Variants in NIBAN2 observed in about 807,000 individuals in gnomAD.
The protein encoded by NIBAN2 is protein Niban 2.
A neutral mutation model predicts 81.8 loss-of-function variants in NIBAN2; 36 were observed. That is an observed-to-expected ratio of 0.44 (90% CI 0.34 to 0.58). NIBAN2 has a LOEUF of 0.58. Ranked by LOEUF, NIBAN2 falls within the 20% of genes least tolerant of loss-of-function variation. The pLI is 0.02. For synonymous variants in NIBAN2, 445 were observed against 441.6 expected, an observed-to-expected ratio of 1.01 and a Z score of -0.10; for missense variants, 897 against 1,014.1, an observed-to-expected ratio of 0.88 and a Z score of 1.57.
Position 127,508,609 on chromosome 9 carries a change from G to T in NIBAN2, c.1318-71C>A, listed in dbSNP as rs1204355852. On this transcript the variant is annotated intron_variant, in intron 10 of 13. Coordinates refer to ENST00000373312, the MANE Select transcript of NIBAN2 (RefSeq NM_022833.4). This position sits in a 1 kb window ranked among gnomAD's most constrained non-coding sequence, Gnocchi z 6.4. ...GCCCCTTCCTGGGTGCCGCTGAGGGGTCCTCATCCTCAACCAGCCCCCCAC... is the reference window on the plus strand; with the variant it reads ...GCCCCTTCCTGGGTGCCGCTGAGGGTTCCTCATCCTCAACCAGCCCCCCAC... 2.3e-6 allele frequency: 3 copies of T among 1,290,070 alleles called. No homozygotes were observed. The highest frequency in any genetic ancestry group is 3.4e-6 in the Non-Finnish European group (3 of 892,308). 79.9% of individuals were successfully genotyped at this position (1,290,070 alleles called of 1,614,324 possible). A position where few individuals can be genotyped will look rare whatever the true frequency, so the allele number is the denominator to read the frequency against.
intron 1 of NIBAN2, among the ~76,000 whole-genome samples, chr9:127,556,161 C>T (rs948494246): frequency 1.3e-5 from 2 of 152,200 alleles, no homozygotes; most frequent in Admixed American, 6.5e-5. Context: ...GGCTCAAGGA[C>T]AAGAATGAAG....
At chr9:127,525,528 C>T (rs1314914762) in intron 3 of NIBAN2, among the ~76,000 whole-genome samples, 1 of 152,176 alleles carries the variant, frequency 6.6e-6, no homozygotes, top group Non-Finnish European at 1.5e-5. Context: ...AGGGTAATAA[C>T]CATTCCTGCC....
intron 1 of NIBAN2, among the ~76,000 whole-genome samples, chr9:127,566,825 G>C (rs1329502859): frequency 3.3e-5 from 5 of 152,090 alleles, no homozygotes; most frequent in Non-Finnish European, 5.9e-5. Context: ...TTCCCTTCCA[G>C]CAGAGATTTC....
At chr9:127,531,016 C>A (rs1189799782) in intron 2 of NIBAN2, among the ~76,000 whole-genome samples, 2 of 151,718 alleles carry the variant, frequency 1.3e-5, no homozygotes, top group African/African-American at 2.4e-5. Flanking sequence ...CCCATCTCTA[C>A]AAAAAATGCA....
At chr9:127,542,228 T>C (rs1277652518) in intron 1 of NIBAN2, among the ~76,000 whole-genome samples, 1 of 152,128 alleles carries the variant, frequency 6.6e-6, no homozygotes, top group Non-Finnish European at 1.5e-5. Context: ...CTGCTCCCCA[T>C]GTCCGGAATA....
Position 127,524,997 on chromosome 9 carries a change from C to T in NIBAN2, c.421+61G>A, listed in dbSNP as rs1343113607. 32 of 1,345,312 alleles carry T rather than the reference C, an allele frequency of 2.4e-5. No homozygotes were observed. The South Asian group carries it at 3.7e-4, about 16-fold the overall frequency. 83.3% of individuals were successfully genotyped at this position (1,345,312 alleles called of 1,614,324 possible). The stretch of plus-strand genomic sequence containing the variant: ...AAGCAATGGGCTCAGGGCCACCCCT[C>T]CCCTGGCCAGCTCCAGATGCCTGTG... On this transcript the variant is annotated intron_variant, in intron 4 of 13. Coordinates refer to ENST00000373312, the MANE Select transcript of NIBAN2 (RefSeq NM_022833.4).
intron 1 of NIBAN2, among the ~76,000 whole-genome samples, chr9:127,562,564 C>T (rs1041068059): frequency 6.6e-6 from 1 of 152,226 alleles, no homozygotes; most frequent in Non-Finnish European, 1.5e-5. Context: ...GGTCATCAGT[C>T]CCCGTCCCCA....
rs1395070676 is a variant in NIBAN2, at chr9:127,545,174, A to C, written c.56-13396T>G. Among the ~76,000 whole-genome samples the C allele has an allele frequency of 6.6e-6, 1 of 151,776 alleles. No individual in the cohort carries two copies. Among genetic ancestry groups the C allele is most frequent in the East Asian group, 1.9e-4 (1 of 5,164 alleles). On this transcript the variant is annotated intron_variant, in intron 1 of 13. Coordinates refer to ENST00000373312, the MANE Select transcript of NIBAN2 (RefSeq NM_022833.4). The surrounding 1 kb of genome is among the most constrained non-coding windows in gnomAD (Gnocchi z 4.7). ...CGTCTACAGTGCCCTCCTAGCGTCC[A>C]CCCCTTGTGCCTGGCCAACTCCTCT...
intron 1 of NIBAN2, among the ~76,000 whole-genome samples, chr9:127,532,880 A>T (rs1193060543): frequency 6.6e-6 from 1 of 152,040 alleles, no homozygotes; most frequent in Non-Finnish European, 1.5e-5. Flanking sequence ...AAAAAAATAC[A>T]AAAGTCTGGC....
intron 1 of NIBAN2, among the ~76,000 whole-genome samples, chr9:127,565,772 G>C (rs1024612306): frequency 2.5e-5 from 3 of 118,828 alleles, no homozygotes; most frequent in Non-Finnish European, 3.3e-5. Context: ...CAGAGAGTGA[G>C]ACTCTGTCTC....
intron 5 of NIBAN2, among the ~76,000 whole-genome samples, chr9:127,518,655 A>AT (rs1836878618): frequency 6.6e-6 from 1 of 152,224 alleles, no homozygotes; most frequent in Admixed American, 6.5e-5. Context: ...ACTGAACCCG[A>AT]AATGGCCTGT....
chr9:127,508,943 G>C lies in NIBAN2; in HGVS notation c.1317+33C>G. 2.5e-6 allele frequency: 4 copies of C among 1,612,422 alleles called. No individual in the cohort carries two copies. The highest frequency in any genetic ancestry group is 3.4e-6 in the Non-Finnish European group (4 of 1,179,484). ...GGGGCCTGTGGAAGGCAGTGGACAG[G>C]GTGTGGGGTGGGGGTCGTAGCCTCG... On this transcript the variant is annotated intron_variant, in intron 10 of 13. Transcript: ENST00000373312. The surrounding 1 kb of genome is among the most constrained non-coding windows in gnomAD (Gnocchi z 6.4).
intron 1 of NIBAN2, among the ~76,000 whole-genome samples, chr9:127,576,402 G>T (rs980236981): frequency 6.6e-6 from 1 of 152,132 alleles, no homozygotes; most frequent in Non-Finnish European, 1.5e-5. Flanking sequence ...GGATCCAACA[G>T]CACTGAAGTC....
rs565794127 is a variant in NIBAN2, at chr9:127,507,185, G to T, written c.1901C>A (p.Pro634His). ...TGGTGACTCAGGGCTAGCCTCAAAG[G>T]GCAGCCCCACCTCCTCATCCTGGAC... The part of the protein sequence containing the change: ...SVVQDEEVGL[P>H]FEASPESPPP... The change falls in exon 14 of 14, where the codon CCC (proline) becomes CAC (histidine). Residue 634 changes from proline to histidine, a missense_variant. Coordinates refer to ENST00000373312, the MANE Select transcript of NIBAN2 (RefSeq NM_022833.4). This position sits in a 1 kb window ranked among gnomAD's most constrained non-coding sequence, Gnocchi z 6.8. The T allele has an allele frequency of 1.2e-6, 2 of 1,612,864 alleles. No homozygotes were observed. The highest frequency in any genetic ancestry group is 2.2e-5 in the South Asian group (2 of 90,982).
At chr9:127,521,282 C>T (rs955835042) in intron 5 of NIBAN2, among the ~76,000 whole-genome samples, 2 of 152,178 alleles carry the variant, frequency 1.3e-5, no homozygotes, top group African/African-American at 4.8e-5. Context: ...GATGGCAGAG[C>T]GGGGCTTGAA....
upstream of NIBAN2, among the ~76,000 whole-genome samples, chr9:127,573,102 C>G (rs1208631352): frequency 6.6e-6 from 1 of 152,148 alleles, no homozygotes; most frequent in African/African-American, 2.4e-5. Context: ...ATACAGCAAT[C>G]CTTGTTCAAA....
rs142532663 is a variant in NIBAN2, at chr9:127,563,779, G to A, written c.55+5041C>T. 2.2e-3 allele frequency among the ~76,000 whole-genome samples: 331 copies of A among 152,198 alleles called. No homozygotes were observed. The highest frequency in any genetic ancestry group is 3.8e-3 in the Non-Finnish European group (257 of 68,018). Reference sequence around the variant, plus strand: ...GATCTGCCTGCCTGTCTCCCAAAGCGCTGGAATTACAAGCGTGAGTCACCG... The same window carrying A: ...GATCTGCCTGCCTGTCTCCCAAAGCACTGGAATTACAAGCGTGAGTCACCG... On this transcript the variant is annotated intron_variant, in intron 1 of 13. Coordinates refer to ENST00000373312, the MANE Select transcript of NIBAN2 (RefSeq NM_022833.4). This position sits in a 1 kb window ranked among gnomAD's most constrained non-coding sequence, Gnocchi z 4.1.
chr9:127,561,968 G>A (rs948661779), intron 1 of NIBAN2, among the ~76,000 whole-genome samples: 2 of 152,202 alleles, frequency 1.3e-5, no homozygotes, highest in Non-Finnish European at 2.9e-5. Flanking sequence ...GAAGGAAAAA[G>A]CAGTGCAGGA....
intron 5 of NIBAN2, among the ~76,000 whole-genome samples, chr9:127,518,594 T>C (rs990393504): frequency 1.3e-5 from 2 of 152,196 alleles, no homozygotes; most frequent in Non-Finnish European, 2.9e-5. Context: ...AAACAGGCAA[T>C]TGGCTGATCT....
Sources: allele counts gnomAD v4.1 joint callset (sites outside exome capture counted in the v4.1 genomes callset), GRCh38; gene constraint gnomAD v4.1.1; non-coding constraint Gnocchi (gnomAD v3.1); transcripts MANE v1.5; gene names NCBI Gene and HGNC (gene_info 2026-07-23, HGNC 2026-07-21).